The following PTPRD variants were observed in gnomAD, a reference collection of about 807,000 sequenced individuals.
PTPRD encodes the protein receptor-type tyrosine-protein phosphatase delta.
In PTPRD, 34 loss-of-function variants were observed where a neutral mutation model predicts 214.5. The ratio of observed to expected loss-of-function variants is 0.16; its 90% CI spans 0.12 to 0.21. PTPRD has a LOEUF of 0.21. Among genes scored for constraint, PTPRD ranks in the 10% least tolerant of loss-of-function variants. The pLI is 1.00. For synonymous variants in PTPRD, 1,128 were observed against 845.7 expected (o/e 1.33, Z -5.79); for missense variants, 2,545 against 2,398.7 (o/e 1.06, Z -1.27).
chr9:9,759,555 C>CTTTTTTTTTTTTT (rs3050068), intron 6 of PTPRD, among the ~76,000 whole-genome samples: 12 of 117,816 alleles, frequency 1.0e-4, no homozygotes, highest in East Asian at 3.4e-4. Flanking sequence ...CAAGGTCTGT[C>CTTTTTTTTTTTTT]TTTTTTTTTT....
chr9:8,537,244 A>T (rs2077175600), intron 14 of PTPRD, among the ~76,000 whole-genome samples: 1 of 152,014 alleles, frequency 6.6e-6, no homozygotes, highest in South Asian at 2.1e-4. Flanking sequence ...TTGGGCCATT[A>T]TCGAAATGTT....
Position 8,815,681 on chromosome 9 carries a change from T to G in PTPRD, c.-103-81735A>C, listed in dbSNP as rs1897789. Among the ~76,000 whole-genome samples, 17 of 152,178 alleles carry G rather than the reference T, an allele frequency of 1.1e-4. 1 individual carries two copies. The highest frequency in any genetic ancestry group is 4.1e-4 in the African/African-American group (17 of 41,518). ...GGTTTTTTTTCCCTCATCTCCTGCA[T>G]AAAATTATTCCTAGGCAACTTTTAA... is the stretch of plus-strand genomic sequence containing the variant. On this transcript the variant is annotated intron_variant, in intron 11 of 45. Coordinates refer to ENST00000381196, the MANE Select transcript of PTPRD (RefSeq NM_002839.4).
intron 5 of PTPRD, among the ~76,000 whole-genome samples, chr9:9,779,984 T>C (rs777000434): frequency 6.6e-6 from 1 of 152,170 alleles, no homozygotes; most frequent in Non-Finnish European, 1.5e-5. Context: ...TCATTCATCA[T>C]AGCGAAGACG....
chr9:10,011,110 C>G (rs1377820261), intron 4 of PTPRD, among the ~76,000 whole-genome samples: 1 of 151,938 alleles, frequency 6.6e-6, no homozygotes, highest in Non-Finnish European at 1.5e-5. Context: ...CCCTTCACCA[C>G]ACCTTATACC....
At chr9:8,825,823 T>A (rs575035820) in intron 11 of PTPRD, among the ~76,000 whole-genome samples, 67 of 152,078 alleles carry the variant, frequency 4.4e-4, no homozygotes, top group Non-Finnish European at 8.4e-4. Context: ...GACATTCCCA[T>A]GGCATTTGCA....
chr9:10,288,277 T>A, intron 3 of PTPRD, among the ~76,000 whole-genome samples: 1 of 150,036 alleles, frequency 6.7e-6, no homozygotes, highest in Middle Eastern at 3.4e-3. Flanking sequence ...GCAAAATTTG[T>A]TCATATTATC....
intron 3 of PTPRD, among the ~76,000 whole-genome samples, chr9:10,227,933 A>G (rs535949707): frequency 3.3e-5 from 5 of 152,006 alleles, no homozygotes; most frequent in Admixed American, 1.3e-4. Context: ...ATCTCTAACT[A>G]CTCAAAACTC....
At chr9:8,734,612 A>T (rs189275253) in intron 11 of PTPRD, among the ~76,000 whole-genome samples, 51 of 152,368 alleles carry the variant, frequency 3.3e-4, no homozygotes, top group East Asian at 5.8e-4. Flanking sequence ...TAATTTCCTC[A>T]GTCTTCTCTG....
rs1245502903 is a variant in PTPRD at position 8,702,486 on chromosome 9, C to T, written c.64+31294G>A. Among the ~76,000 whole-genome samples the T allele has an allele frequency of 4.6e-5, 7 of 152,180 alleles. No individual in the cohort carries two copies. In the South Asian group the frequency reaches 1.2e-3, roughly 27 times the overall value. Reference sequence around the variant, plus strand: ...ACAGTATCCCTGTCTTCAGAAAGCTCCAGTTTTGAAGAGATAAAAATAAAG... The same window carrying T: ...ACAGTATCCCTGTCTTCAGAAAGCTTCAGTTTTGAAGAGATAAAAATAAAG... On this transcript the variant is annotated intron_variant, in intron 12 of 45. Coordinates refer to ENST00000381196, the MANE Select transcript of PTPRD (RefSeq NM_002839.4).
At chr9:9,285,151 T>C (rs1332449838) in intron 9 of PTPRD, among the ~76,000 whole-genome samples, 3 of 151,836 alleles carry the variant, frequency 2.0e-5, no homozygotes, top group African/African-American at 7.2e-5. Flanking sequence ...TTGTGTATTC[T>C]TTTACAATGG....
At chr9:10,564,518 G>A (rs2065049026) in intron 2 of PTPRD, among the ~76,000 whole-genome samples, 1 of 151,882 alleles carries the variant, frequency 6.6e-6, no homozygotes, top group Non-Finnish European at 1.5e-5. Context: ...ATATTAGCTG[G>A]GCTAAAGTGA....
At chr9:9,978,631 A>G (rs1048702405) in intron 4 of PTPRD, among the ~76,000 whole-genome samples, 39 of 152,118 alleles carry the variant, frequency 2.6e-4, no homozygotes, top group African/African-American at 8.9e-4. Context: ...TGGAGAACAG[A>G]ACAAATGCAC....
intron 5 of PTPRD, among the ~76,000 whole-genome samples, chr9:9,933,334 T>C (rs1351545872): frequency 4.0e-5 from 6 of 151,864 alleles, no homozygotes; most frequent in Admixed American, 1.3e-4. Flanking sequence ...AGGAAACCCA[T>C]CTCACATGCA....
chr9:9,849,379 A>G (rs1426439802), intron 5 of PTPRD, among the ~76,000 whole-genome samples: 1 of 152,176 alleles, frequency 6.6e-6, no homozygotes, highest in Admixed American at 6.6e-5. Context: ...GATTCTGATT[A>G]TCAATGCTCT....
intron 2 of PTPRD, among the ~76,000 whole-genome samples, chr9:10,553,417 A>T (rs115694337): frequency 1.3e-5 from 2 of 152,108 alleles, no homozygotes; most frequent in Non-Finnish European, 2.9e-5. Flanking sequence ...ATAGTTCACA[A>T]AAAATAATTA....
chr9:10,140,680 C>G (rs1276649236), intron 3 of PTPRD, among the ~76,000 whole-genome samples: 1 of 152,106 alleles, frequency 6.6e-6, no homozygotes, highest in Non-Finnish European at 1.5e-5. Flanking sequence ...CAAGGAGGAA[C>G]TGGTACCATT....
intron 5 of PTPRD, among the ~76,000 whole-genome samples, chr9:9,907,490 T>C (rs2077929647): frequency 6.6e-6 from 1 of 151,946 alleles, no homozygotes; most frequent in Admixed American, 6.6e-5. Flanking sequence ...TACTATGTCC[T>C]CACATGACAT....
At chr9:9,298,349 T>C (rs1453109244) in intron 9 of PTPRD, among the ~76,000 whole-genome samples, 2 of 151,750 alleles carry the variant, frequency 1.3e-5, no homozygotes, top group East Asian at 3.9e-4. Flanking sequence ...CCTGGAATGC[T>C]TATTTCTGAT....
At chr9:8,918,805 C>G (rs903341529) in intron 11 of PTPRD, among the ~76,000 whole-genome samples, 35 of 152,162 alleles carry the variant, frequency 2.3e-4, no homozygotes, top group Admixed American at 1.9e-3. Flanking sequence ...TATTGTGGAC[C>G]AAACTTTCTC....
Sources: allele counts gnomAD v4.1 joint callset (sites outside exome capture counted in the v4.1 genomes callset), GRCh38; gene constraint gnomAD v4.1.1; transcripts MANE v1.5; gene names NCBI Gene and HGNC (gene_info 2026-07-23, HGNC 2026-07-21).